RICTOR: variants seen among roughly 807,000 people sequenced by gnomAD.
RICTOR encodes RPTOR independent companion of MTOR complex 2, also known as rapamycin-insensitive companion of mTOR.
RICTOR carries 49 observed loss-of-function variants against 214.9 expected under a neutral mutation model. The ratio of observed to expected loss-of-function variants is 0.23; its 90% CI spans 0.18 to 0.29. The LOEUF (loss-of-function observed/expected upper bound fraction) is 0.29. RICTOR is among the 10% of genes least tolerant of loss of function. RICTOR has a pLI of 1.00. For missense variants in RICTOR, 1,625 were observed against 2,047.0 expected (o/e 0.79, Z 3.98); for synonymous variants, 717 against 711.3 (o/e 1.01, Z -0.13).
intron 2 of RICTOR, among the ~76,000 whole-genome samples, chr5:39,023,965 C>G (rs1435060749): frequency 2.0e-5 from 3 of 152,166 alleles, no homozygotes; most frequent in African/African-American, 7.2e-5. Context: ...AGTCCCCAAC[C>G]TTTTGGACAC....
chr5:38,990,543 T>C (rs1467635140), intron 7 of RICTOR, among the ~76,000 whole-genome samples: 1 of 144,334 alleles, frequency 6.9e-6, no homozygotes, highest in African/African-American at 2.7e-5. Flanking sequence ...ATACGATATA[T>C]ACACGATATA....
Position 38,950,471 on chromosome 5 carries a change from G to A in RICTOR, c.3377C>T (p.Thr1126Ile). 1 of 1,613,460 alleles carries A rather than the reference G, an allele frequency of 6.2e-7. No individual in the cohort carries two copies. The highest frequency in any genetic ancestry group is 8.5e-7 in the Non-Finnish European group (1 of 1,179,630). The change falls in exon 31 of 38, where the codon ACA becomes ATA. Residue 1126 changes from threonine (T) to isoleucine (I), a missense_variant. Physicochemically the swap from Thr to Ile is moderately conservative, Grantham distance 89. Transcript: ENST00000357387. ...AAGTGTTCTGATTCGCCTGTTGCTT[G>A]TCTTACTTTCAGATGATAATTTCCC... Reference protein sequence around the residue: ...KGGKLSSESKTSNRRIRTLTE... With the variant: ...KGGKLSSESKISNRRIRTLTE...
intron 32 of RICTOR, 55 bp from the exon 33 acceptor site, chr5:38,946,607 T>C (rs1579867409): frequency 1.9e-6 from 2 of 1,062,014 alleles, no homozygotes; most frequent in Non-Finnish European, 2.9e-6. Context: ...GCCCACTTTA[T>C]GAAAATTAGC....
rs564468415 is a variant in RICTOR, at chr5:39,065,739, G to A, written c.97+8372C>T. Reference sequence around the variant, plus strand: ...AGGCCCCATGCAAGTTCAAAACCCAGCAGGGCAGTCATTAAATCTTAAAGC... The same window carrying A: ...AGGCCCCATGCAAGTTCAAAACCCAACAGGGCAGTCATTAAATCTTAAAGC... On this transcript the variant is annotated intron_variant, in intron 2 of 37. Transcript: ENST00000357387. Among the ~76,000 whole-genome samples the A allele has an allele frequency of 2.0e-5, 3 of 152,338 alleles. 1 individual carries two copies. Among genetic ancestry groups the A allele is most frequent in the Admixed American group, 2.0e-4 (3 of 15,308 alleles).
chr5:39,026,370 A>G (rs1040208864), intron 2 of RICTOR, among the ~76,000 whole-genome samples: 2 of 152,026 alleles, frequency 1.3e-5, no homozygotes, highest in Non-Finnish European at 2.9e-5. Flanking sequence ...AAACAAAACA[A>G]AAGGAAAAAA....
chr5:39,028,409 C>T (rs909716330), intron 2 of RICTOR, among the ~76,000 whole-genome samples: 4 of 151,914 alleles, frequency 2.6e-5, no homozygotes, highest in Admixed American at 1.3e-4. Context: ...GTCTCGATCT[C>T]CTGACCTCGT....
intron 2 of RICTOR, among the ~76,000 whole-genome samples, chr5:39,066,551 A>G (rs868089912): frequency 6.6e-6 from 1 of 152,208 alleles, no homozygotes; most frequent in South Asian, 2.1e-4. Flanking sequence ...CCCCTGAAAA[A>G]GCTTTTTCTT....
At chr5:38,970,178 T>C (rs947833418) in intron 11 of RICTOR, 14 of 152,154 alleles carry the variant, frequency 9.2e-5, no homozygotes, top group Non-Finnish European at 1.6e-4. Context: ...TCTGGGATGT[T>C]CACAGGATGA....
rs1579882423 is a variant in RICTOR, at chr5:38,950,228, C to G, written c.3620G>C (p.Ser1207Thr). The G allele has an allele frequency of 6.2e-7, 1 of 1,613,506 alleles. No homozygotes were observed. The highest frequency in any genetic ancestry group is 8.5e-7 in the Non-Finnish European group (1 of 1,179,622). The change falls in exon 31 of 38, where the codon AGT becomes ACT. Residue 1207 changes from serine (S) to threonine (T), a missense_variant. Around this residue, in one of 5 missense-constraint regions of RICTOR, gnomAD observed 1,214 missense variants for 1,470.5 expected, o/e 0.83. Coordinates refer to ENST00000357387, the MANE Select transcript of RICTOR (RefSeq NM_152756.5). Reference sequence around the variant, plus strand: ...TATCTTCATATGTGAGCTCGTTGAACTTTCTACTACTAACCTCTCTCGGCT... The same window carrying G: ...TATCTTCATATGTGAGCTCGTTGAAGTTTCTACTACTAACCTCTCTCGGCT... The part of the protein sequence containing the change: ...NTSRERLVVE[S>T]STSSHMKIRS...
At position 38,939,344 on chromosome 5, in the gene RICTOR, T is replaced by C. The variant is rs1036018497; in HGVS notation, c.*2960A>G. The C allele has an allele frequency of 2.2e-5, 5 of 232,322 alleles. No homozygotes were observed. The highest frequency in any genetic ancestry group is 3.4e-5 in the Non-Finnish European group (4 of 117,578). 14.4% of individuals were successfully genotyped at this position (232,322 alleles called of 1,614,324 possible). A position where few individuals can be genotyped will look rare whatever the true frequency, so the allele number is the denominator to read the frequency against. ...ATTTCAAAAGGACTTGTACACATTA[T>C]GTTAATAATGTATATACTTCCAAAG... On this transcript the variant is annotated 3_prime_UTR_variant, in exon 38 of 38. Transcript: ENST00000357387.
intron 3 of RICTOR, among the ~76,000 whole-genome samples, chr5:39,007,315 A>G (rs543384454): frequency 1.3e-5 from 2 of 152,128 alleles, no homozygotes; most frequent in Non-Finnish European, 2.9e-5. Context: ...ACATATGGCT[A>G]TTTTCTATAT....
intron 24 of RICTOR, 38 bp downstream of exon 24, chr5:38,958,405 A>G (rs372272095): frequency 4.0e-5 from 55 of 1,371,196 alleles, no homozygotes; most frequent in South Asian, 3.4e-4. Flanking sequence ...CAAAGAACAC[A>G]ACAAAAAAAC....
intron 31 of RICTOR, among the ~76,000 whole-genome samples, 177 bp from the exon 32 acceptor site, chr5:38,947,618 C>T (rs1440092424): frequency 4.6e-5 from 7 of 151,900 alleles, no homozygotes; most frequent in Admixed American, 3.9e-4. Context: ...TGTTATAGAC[C>T]GCTATGTAAA....
At chr5:39,067,401 A>C (rs1346685087) in intron 2 of RICTOR, among the ~76,000 whole-genome samples, 5 of 152,148 alleles carry the variant, frequency 3.3e-5, no homozygotes, top group Non-Finnish European at 5.9e-5. Context: ...AACACCTCCC[A>C]CCAAGCCCCA....
intron 6 of RICTOR, among the ~76,000 whole-genome samples, chr5:38,996,063 G>T (rs1292147389): frequency 6.6e-6 from 1 of 152,130 alleles, no homozygotes; most frequent in Admixed American, 6.6e-5. Flanking sequence ...GTACTGAGTT[G>T]AAAGATAGGA....
intron 2 of RICTOR, among the ~76,000 whole-genome samples, chr5:39,044,531 T>C (rs74749915): frequency 0.039 from 5,940 of 152,186 alleles, 305 homozygotes; most frequent in East Asian, 0.27. Context: ...AAAAAAACTA[T>C]GCTGCTTCAA....
chr5:38,958,634 T>G lies in RICTOR; in HGVS notation c.2343+33A>C. The G allele has an allele frequency of 2.0e-6, 3 of 1,537,968 alleles. No homozygotes were observed. The South Asian group carries it at 3.7e-5, about 19-fold the overall frequency. ...TGTCAAATGAGTATTTCAAAAAAAT[T>G]TAAGTATTAAATTATAAAAAATGAA... On this transcript the variant is annotated intron_variant, in intron 23 of 37. Coordinates refer to ENST00000357387, the MANE Select transcript of RICTOR (RefSeq NM_152756.5).
At chr5:39,063,508 C>G (rs193064507) in intron 2 of RICTOR, among the ~76,000 whole-genome samples, 5 of 152,290 alleles carry the variant, frequency 3.3e-5, no homozygotes, top group African/African-American at 1.2e-4. Context: ...AAAGGTCTTA[C>G]AATTGTCATT....
intron 2 of RICTOR, among the ~76,000 whole-genome samples, chr5:39,067,639 G>C (rs1758998714): frequency 6.6e-6 from 1 of 151,942 alleles, no homozygotes. Context: ...CTTACACACA[G>C]AACAATCAGA....
Sources: allele counts gnomAD v4.1 joint callset (sites outside exome capture counted in the v4.1 genomes callset), GRCh38; gene constraint gnomAD v4.1.1; regional missense constraint gnomAD v4.1.1; transcripts MANE v1.5; gene names NCBI Gene and HGNC (gene_info 2026-07-23, HGNC 2026-07-21).